The following RIMS2 variants were observed in gnomAD, a reference collection of about 807,000 sequenced individuals.
RIMS2 encodes regulating synaptic membrane exocytosis protein 2.
In RIMS2, 59 loss-of-function variants were observed where a neutral mutation model predicts 174.4. The ratio of observed to expected loss-of-function variants is 0.34; its 90% CI spans 0.27 to 0.42. The LOEUF (loss-of-function observed/expected upper bound fraction) is 0.42. Among genes scored for constraint, RIMS2 ranks in the 10% least tolerant of loss-of-function variants. RIMS2 has a pLI of 1.00. For synonymous variants in RIMS2, 606 were observed against 572.5 expected, an observed-to-expected ratio of 1.06 and a Z score of -0.84; for missense variants, 1,620 against 1,666.3, an observed-to-expected ratio of 0.97 and a Z score of 0.48.
At chr8:103,919,518 A>C (rs1286495956) in intron 9 of RIMS2, among the ~76,000 whole-genome samples, 1 of 151,784 alleles carries the variant, frequency 6.6e-6, no homozygotes, top group African/African-American at 2.4e-5. Context: ...CTAGATTGCA[A>C]ATAGATTAAA....
intron 3 of RIMS2, among the ~76,000 whole-genome samples, chr8:103,812,884 ACTGT>A (rs2098697614): frequency 6.6e-6 from 1 of 152,204 alleles, no homozygotes; most frequent in Non-Finnish European, 1.5e-5. Flanking sequence ...TGTTCTCTGG[ACTGT>A]CTTTCTTATA....
chr8:103,616,224 C>G lies in RIMS2; in HGVS notation c.177-80862C>G, dbSNP rs2095501203. ...CCAGTTTGGTTCAATATGTAAAAAT[C>G]AATAAATATGATTCATCACATAAGC... is the stretch of plus-strand genomic sequence containing the variant. On this transcript the variant is annotated intron_variant, in intron 1 of 23. Coordinates refer to ENST00000504942, the Ensembl canonical transcript of RIMS2. Among the ~76,000 whole-genome samples the G allele has an allele frequency of 2.0e-5, 3 of 152,174 alleles. No individual in the cohort carries two copies. The South Asian group carries it at 6.2e-4, about 32-fold the overall frequency.
At chr8:103,697,698 A>G (rs1339488942) in intron 2 of RIMS2, among the ~76,000 whole-genome samples, 14 of 152,276 alleles carry the variant, frequency 9.2e-5, no homozygotes, top group Non-Finnish European at 1.2e-4. Flanking sequence ...ACTGCACTCC[A>G]GCCTGGGTGA....
At chr8:103,804,857 T>C (rs188864297) in intron 3 of RIMS2, among the ~76,000 whole-genome samples, 9 of 151,964 alleles carry the variant, frequency 5.9e-5, no homozygotes, top group African/African-American at 1.9e-4. Flanking sequence ...AGTGCAGAGG[T>C]ACAGTCATAG....
At chr8:103,501,401 C>G (rs1470819640) in intron 1 of RIMS2, 1 of 161,684 alleles carries the variant, frequency 6.2e-6, no homozygotes, top group Non-Finnish European at 1.3e-5. Flanking sequence ...TGTGCGTACC[C>G]TCTCCTTTCC....
At chr8:104,044,380 T>G (rs531206138) in intron 19 of RIMS2, among the ~76,000 whole-genome samples, 1 of 151,354 alleles carries the variant, frequency 6.6e-6, no homozygotes, top group Non-Finnish European at 1.5e-5. Context: ...AATTTAAGCT[T>G]AGAGGGGGAA....
chr8:103,847,821 A>G (rs1254910771), intron 3 of RIMS2, among the ~76,000 whole-genome samples: 1 of 151,988 alleles, frequency 6.6e-6, no homozygotes, highest in Non-Finnish European at 1.5e-5. Context: ...TAGGAGTAGA[A>G]TATGCTGTTG....
intron 4 of RIMS2, among the ~76,000 whole-genome samples, chr8:103,887,933 T>C (rs1427552536): frequency 1.3e-5 from 2 of 151,572 alleles, no homozygotes; most frequent in African/African-American, 4.8e-5. Flanking sequence ...GCAAGCTCTT[T>C]GCAGATAATC....
chr8:103,923,922 T>G (rs1361444219), intron 10 of RIMS2, among the ~76,000 whole-genome samples: 2 of 151,724 alleles, frequency 1.3e-5, no homozygotes, highest in Non-Finnish European at 3.0e-5. Context: ...CGAATCCTGA[T>G]TTTTCTCTTA....
chr8:103,801,693 C>A (rs2098609049), intron 3 of RIMS2, among the ~76,000 whole-genome samples: 1 of 152,160 alleles, frequency 6.6e-6, no homozygotes, highest in African/African-American at 2.4e-5. Context: ...TGTCATTCAC[C>A]TTTACCTTGC....
At chr8:103,697,251 G>A in exon 2 of RIMS2, 1 of 1,613,802 alleles carries the variant, frequency 6.2e-7, no homozygotes, top group Non-Finnish European at 8.5e-7. Context: ...GCCAAACAAA[G>A]TTCTGTGCTC....
intron 19 of RIMS2, among the ~76,000 whole-genome samples, chr8:104,235,792 A>T (rs1027338503): frequency 3.9e-5 from 6 of 152,026 alleles, no homozygotes; most frequent in Non-Finnish European, 7.4e-5. Context: ...TCAAATTTTT[A>T]AAAAAATATA....
chr8:103,687,151 CTT>C (rs751054284), intron 1 of RIMS2, among the ~76,000 whole-genome samples: 1 of 147,594 alleles, frequency 6.8e-6, no homozygotes, highest in Admixed American at 6.8e-5. Context: ...GTCAAGCTAT[CTT>C]TTTTTTTTGG....
chr8:103,799,485 A>G (rs150308009), intron 3 of RIMS2, among the ~76,000 whole-genome samples: 1 of 152,240 alleles, frequency 6.6e-6, no homozygotes, highest in East Asian at 1.9e-4. Context: ...CTGTCTATGT[A>G]GATGTATAAT....
chr8:103,654,401 T>G (rs1448214431), intron 1 of RIMS2, among the ~76,000 whole-genome samples: 1 of 151,978 alleles, frequency 6.6e-6, no homozygotes, highest in African/African-American at 2.4e-5. Flanking sequence ...TAGAAAAAAT[T>G]AGCACTTTTA....
intron 1 of RIMS2, among the ~76,000 whole-genome samples, chr8:103,624,839 A>G (rs1313664251): frequency 6.6e-6 from 1 of 152,004 alleles, no homozygotes; most frequent in Non-Finnish European, 1.5e-5. Context: ...ACATATCTGT[A>G]TTTTCTGATT....
intron 19 of RIMS2, among the ~76,000 whole-genome samples, chr8:104,016,476 A>G (rs755638966): frequency 2.5e-4 from 38 of 152,014 alleles, no homozygotes; most frequent in Non-Finnish European, 3.8e-4. Flanking sequence ...TTCTATTTCC[A>G]AGTACCATAA....
At chr8:103,887,350 A>C (rs2099209744) in intron 4 of RIMS2, among the ~76,000 whole-genome samples, 1 of 151,366 alleles carries the variant, frequency 6.6e-6, no homozygotes, top group East Asian at 1.9e-4. Flanking sequence ...TTCTCATTTT[A>C]ATGTTTATCT....
chr8:103,633,976 A>G (rs2096010597), intron 1 of RIMS2, among the ~76,000 whole-genome samples: 1 of 151,856 alleles, frequency 6.6e-6, no homozygotes, highest in Non-Finnish European at 1.5e-5. Context: ...CAACTGCTGG[A>G]TTTGTTGATC....
Sources: gnomAD v4.1 joint callset for allele counts (sites outside exome capture counted in the v4.1 genomes callset) on GRCh38, gnomAD v4.1.1 for gene constraint, MANE v1.5 for transcripts, NCBI Gene and HGNC (gene_info 2026-07-23, HGNC 2026-07-21) for gene names.